The following FSD1L variants were observed in gnomAD, a reference collection of about 807,000 sequenced individuals.
FSD1L encodes the protein FSD1-like protein.
A neutral mutation model predicts 71.6 loss-of-function variants in FSD1L; 45 were observed. The observed-to-expected ratio is 0.63, with a 90% CI of 0.49 to 0.81. The LOEUF (loss-of-function observed/expected upper bound fraction) is 0.81. Ranked by LOEUF, FSD1L falls within the 30% of genes least tolerant of loss-of-function variation. The pLI, the probability that FSD1L is intolerant of heterozygous loss-of-function variation, is 0.00. For synonymous variants in FSD1L, 197 were observed against 207.2 expected (o/e 0.95, Z 0.42); for missense variants, 561 against 618.1 (o/e 0.91, Z 0.98).
intron 6 of FSD1L, among the ~76,000 whole-genome samples, chr9:105,480,006 T>A (rs577957216): frequency 6.6e-6 from 1 of 152,296 alleles, no homozygotes; most frequent in East Asian, 1.9e-4. Flanking sequence ...GTAATGAACA[T>A]AGATTGCTAA....
At chr9:105,539,160 G>A in intron 12 of FSD1L, 103 bp from the exon 13 acceptor site, 1 of 608,922 alleles carries the variant, frequency 1.6e-6, no homozygotes, top group Non-Finnish European at 2.8e-6. Context: ...AAAAATTAAT[G>A]CCAACTTATA....
chr9:105,498,137 C>T (rs1833532204), intron 7 of FSD1L, among the ~76,000 whole-genome samples: 1 of 151,680 alleles, frequency 6.6e-6, no homozygotes, highest in African/African-American at 2.4e-5. Context: ...GACTACCACA[C>T]CCAACCTGAT....
chr9:105,456,770 T>C (rs755069088), intron 1 of FSD1L, among the ~76,000 whole-genome samples: 43 of 152,262 alleles, frequency 2.8e-4, no homozygotes, highest in Admixed American at 5.2e-4. Context: ...ACTTATCTCA[T>C]ATATTTTACT....
At chr9:105,516,592 C>T (rs1192082618) in intron 10 of FSD1L, among the ~76,000 whole-genome samples, 1 of 152,150 alleles carries the variant, frequency 6.6e-6, no homozygotes, top group East Asian at 1.9e-4. Flanking sequence ...AGACCTGCAG[C>T]AGAGGGGCCT....
At chr9:105,479,324 T>G (rs1832019301) in intron 5 of FSD1L, 30 bp from the exon 6 acceptor site, 2 of 1,549,850 alleles carry the variant, frequency 1.3e-6, no homozygotes, top group African/African-American at 1.4e-5. Flanking sequence ...CTAACTTGCC[T>G]TCTTTCTCTT....
intron 4 of FSD1L, 51 bp downstream of exon 4, chr9:105,468,375 T>G: frequency 7.3e-7 from 1 of 1,373,136 alleles, no homozygotes; most frequent in Non-Finnish European, 9.6e-7. Flanking sequence ...TATTTAATCC[T>G]TGATTTATGA....
At chr9:105,458,380 C>CT (rs2131590770) in intron 1 of FSD1L, among the ~76,000 whole-genome samples, 1 of 152,242 alleles carries the variant, frequency 6.6e-6, no homozygotes, top group African/African-American at 2.4e-5. Context: ...GCCCTTTCTG[C>CT]GCCTGCCTTT....
At chr9:105,541,866 G>A (rs140655725) in intron 13 of FSD1L, among the ~76,000 whole-genome samples, 12 of 152,234 alleles carry the variant, frequency 7.9e-5, no homozygotes, top group African/African-American at 2.4e-4. Flanking sequence ...CCAGAACATC[G>A]TATAAATAGA....
chr9:105,448,270 C>T (rs1231895387), intron 1 of FSD1L, 35 bp downstream of exon 1: 27 of 1,330,478 alleles, frequency 2.0e-5, no homozygotes, highest in Non-Finnish European at 2.8e-5. Context: ...GCTACCGAGA[C>T]AAGCCGGGCC....
At position 105,548,681 on chromosome 9, in the gene FSD1L, C is replaced by T. The variant is rs961330485; in HGVS notation, c.*2198C>T. 5 of 151,996 alleles carry T rather than the reference C, an allele frequency of 3.3e-5. No homozygotes were observed. The highest frequency in any genetic ancestry group is 1.2e-4 in the African/African-American group (5 of 41,400). 9.4% of individuals were successfully genotyped at this position (151,996 alleles called of 1,614,324 possible). On this transcript the variant is annotated 3_prime_UTR_variant, in exon 14 of 14. Coordinates refer to ENST00000481272, the MANE Select transcript of FSD1L (RefSeq NM_001145313.3). ...TTTCTAATATTCATTTGGAAAACCT[C>T]TCCACTGGAGAGGTTTCATCTCTGA...
Position 105,520,681 on chromosome 9 carries a change from G to C in FSD1L, c.1025+7745G>C. 17 of 1,613,410 alleles carry C rather than the reference G, an allele frequency of 1.1e-5. No individual in the cohort carries two copies. In the South Asian group the frequency reaches 1.5e-4, roughly 15 times the overall value. On this transcript the variant is annotated intron_variant, in intron 10 of 13. Transcript: ENST00000481272. ...TGGTTGCAAGCTCTTCAGAATAACTGTAGCAAAGAACAGCTCTGGATGTTT... is the reference window on the plus strand; with the variant it reads ...TGGTTGCAAGCTCTTCAGAATAACTCTAGCAAAGAACAGCTCTGGATGTTT...
chr9:105,513,703 T>C (rs1258603116), intron 10 of FSD1L: 1 of 1,230,746 alleles, frequency 8.1e-7, no homozygotes, highest in African/African-American at 1.5e-5. Flanking sequence ...AACTTTAATT[T>C]TATCTTTTAA....
chr9:105,457,316 G>A (rs886503292), intron 1 of FSD1L, among the ~76,000 whole-genome samples: 8 of 152,172 alleles, frequency 5.3e-5, no homozygotes, highest in African/African-American at 1.9e-4. Flanking sequence ...AGGTGAGGTA[G>A]GCAGTGGACA....
intron 1 of FSD1L, among the ~76,000 whole-genome samples, chr9:105,456,030 TG>T (rs1830337390): frequency 2.0e-5 from 3 of 152,230 alleles, no homozygotes; most frequent in Non-Finnish European, 4.4e-5. Context: ...TATGACCACA[TG>T]GATGCTGATG....
At chr9:105,518,953 C>T (rs1834921696) in intron 10 of FSD1L, among the ~76,000 whole-genome samples, 1 of 152,036 alleles carries the variant, frequency 6.6e-6, no homozygotes, top group African/African-American at 2.4e-5. Flanking sequence ...CAAATAGATG[C>T]AATAAAAAAT....
chr9:105,532,516 A>G (rs1260428185), intron 10 of FSD1L, among the ~76,000 whole-genome samples: 2 of 152,136 alleles, frequency 1.3e-5, no homozygotes, highest in Non-Finnish European at 2.9e-5. Flanking sequence ...AATAATTTTT[A>G]TTTGTTTCTA....
chr9:105,525,314 G>T (rs372492461), intron 10 of FSD1L: 2 of 1,607,906 alleles, frequency 1.2e-6, no homozygotes, highest in Non-Finnish European at 1.7e-6. Context: ...CAGTATTTGG[G>T]TGTTACTAGT....
chr9:105,489,053 A>G (rs1832743575), intron 7 of FSD1L, among the ~76,000 whole-genome samples: 2 of 152,146 alleles, frequency 1.3e-5, no homozygotes, highest in Non-Finnish European at 2.9e-5. Context: ...TGAGAAAAGC[A>G]TTAAGATTAA....
chr9:105,492,752 T>G (rs1393195674), intron 7 of FSD1L, among the ~76,000 whole-genome samples: 1 of 152,218 alleles, frequency 6.6e-6, no homozygotes, highest in Non-Finnish European at 1.5e-5. Flanking sequence ...GTCATTTTGT[T>G]ATGTACCCAG....
Sources: gnomAD v4.1 joint callset for allele counts (sites outside exome capture counted in the v4.1 genomes callset) on GRCh38, gnomAD v4.1.1 for gene constraint, MANE v1.5 for transcripts, NCBI Gene and HGNC (gene_info 2026-07-23, HGNC 2026-07-21) for gene names.